RNLS: variants seen among roughly 807,000 people sequenced by gnomAD.
The protein encoded by RNLS is renalase.
In RNLS, 39 loss-of-function variants were observed where a neutral mutation model predicts 39.8. The observed-to-expected ratio is 0.98, with a 90% confidence interval of 0.76 to 1.28. The LOEUF (loss-of-function observed/expected upper bound fraction) is 1.28. Among genes scored for constraint, RNLS ranks in the 50% most tolerant of loss-of-function variants. The probability of loss-of-function intolerance (pLI) is 0.00; values close to 1 mark genes in which losing one functional copy is unlikely to be tolerated. For synonymous variants in RNLS, 147 were observed against 150.7 expected (o/e 0.98, Z 0.18); for missense variants, 410 against 413.3 (o/e 0.99, Z 0.07).
rs1381202039 is a variant in RNLS, at chr10:88,286,431, G to T, written c.877-925C>A. Among the ~76,000 whole-genome samples, 3 of 152,106 alleles carry T rather than the reference G, an allele frequency of 2.0e-5. No individual in the cohort carries two copies. In the East Asian group the frequency reaches 5.8e-4, roughly 29 times the overall value. ...AATTTGGATGGATGATGGCTAATAA[G>T]CATTTGCAGTAAGGAGAATGAGTGG... On this transcript the variant is annotated intron_variant, in intron 6 of 6. Transcript: ENST00000331772.
At chr10:88,409,475 T>G (rs1853520030) in intron 4 of RNLS, among the ~76,000 whole-genome samples, 1 of 152,162 alleles carries the variant, frequency 6.6e-6, no homozygotes, top group Admixed American at 6.6e-5. Flanking sequence ...TCAGAAAGAT[T>G]CTGTGAGTCA....
chr10:88,179,741 A>C, the RNLS span, among the ~76,000 whole-genome samples: 1 of 152,228 alleles, frequency 6.6e-6, no homozygotes, highest in African/African-American at 2.4e-5. Context: ...ACAATGCTCT[A>C]AGGTGCCCCA....
chr10:88,179,870 A>G, the RNLS span, among the ~76,000 whole-genome samples: 1 of 152,222 alleles, frequency 6.6e-6, no homozygotes, highest in Non-Finnish European at 1.5e-5. Flanking sequence ...TATAATCCCC[A>G]GGGTGGAGGT....
chr10:88,220,364 C>CT, the RNLS span, among the ~76,000 whole-genome samples: 1 of 152,164 alleles, frequency 6.6e-6, no homozygotes, highest in African/African-American at 2.4e-5. Context: ...CAAGGGACTG[C>CT]TGGGGTCAGG....
intron 4 of RNLS, among the ~76,000 whole-genome samples, chr10:88,500,602 C>T (rs1293167024): frequency 6.6e-6 from 1 of 152,142 alleles, no homozygotes; most frequent in African/African-American, 2.4e-5. Flanking sequence ...GCAAGCAAAT[C>T]ATGCTATTTA....
intron 3 of RNLS, among the ~76,000 whole-genome samples, chr10:88,573,581 C>G (rs563801033): frequency 5.9e-5 from 9 of 152,246 alleles, no homozygotes; most frequent in Non-Finnish European, 1.2e-4. Context: ...AAAAGGTTCT[C>G]TGTAAGGGAA....
At chr10:88,252,783 A>G in the RNLS span, among the ~76,000 whole-genome samples, 1 of 152,224 alleles carries the variant, frequency 6.6e-6, no homozygotes, top group Non-Finnish European at 1.5e-5. Flanking sequence ...TACCGGGCAC[A>G]TAGTAGGTGC....
At chr10:88,267,931 G>T in the RNLS span, among the ~76,000 whole-genome samples, 1 of 152,162 alleles carries the variant, frequency 6.6e-6, no homozygotes, top group African/African-American at 2.4e-5. Context: ...AAATATCTTG[G>T]TAAGAAAATT....
At chr10:88,183,300 A>G in the RNLS span, among the ~76,000 whole-genome samples, 1 of 152,166 alleles carries the variant, frequency 6.6e-6, no homozygotes, top group African/African-American at 2.4e-5. Context: ...GTCAGCTAAT[A>G]TGTGAAATTG....
chr10:88,298,142 C>T lies in RNLS; in HGVS notation c.877-12636G>A, dbSNP rs150942101. Among the ~76,000 whole-genome samples, 1,476 of 152,106 alleles carry T rather than the reference C, an allele frequency of 9.7e-3. 86 individuals carry two copies. The highest frequency in any genetic ancestry group is 0.079 in the Admixed American group (1,207 of 15,284). On this transcript the variant is annotated intron_variant, in intron 6 of 6. Coordinates refer to ENST00000331772, the MANE Select transcript of RNLS (RefSeq NM_001031709.3). ...CTTCTTTGGGAAAATGTCTATTCAA[C>T]TCCTTTGCTCATTTTTTAATTGGGT...
At chr10:88,496,790 T>C (rs1845199947) in intron 4 of RNLS, among the ~76,000 whole-genome samples, 1 of 152,132 alleles carries the variant, frequency 6.6e-6, no homozygotes, top group Admixed American at 6.6e-5. Context: ...CATCTTCCTA[T>C]GATATGCAGC....
intron 4 of RNLS, among the ~76,000 whole-genome samples, chr10:88,400,533 C>T (rs1225888050): frequency 6.6e-6 from 1 of 151,994 alleles, no homozygotes; most frequent in Non-Finnish European, 1.5e-5. Flanking sequence ...ATCCTCTTTA[C>T]TGTGTGCTGC....
At chr10:88,293,641 T>C (rs1843848117) in intron 6 of RNLS, among the ~76,000 whole-genome samples, 9 of 152,074 alleles carry the variant, frequency 5.9e-5, no homozygotes, top group Admixed American at 5.9e-4. Context: ...AATTAAAAGA[T>C]AACAATATTA....
chr10:88,281,468 G>A (rs973550492), downstream of RNLS, among the ~76,000 whole-genome samples: 1 of 152,248 alleles, frequency 6.6e-6, no homozygotes, highest in African/African-American at 2.4e-5. Flanking sequence ...CCCACTCCAG[G>A]GGTCTTGTCT....
chr10:88,470,839 C>T (rs1423807106), intron 4 of RNLS, among the ~76,000 whole-genome samples: 1 of 152,112 alleles, frequency 6.6e-6, no homozygotes, highest in African/African-American at 2.4e-5. Context: ...TGGTCTCAAA[C>T]TCCTGACCTT....
At position 88,362,557 on chromosome 10, in the gene RNLS, T is replaced by C. The variant is rs117446494; in HGVS notation, c.695A>G (p.Asn232Ser). The change falls in exon 5 of 7, where the codon AAT becomes AGT. Residue 232 changes from asparagine (N) to serine (S), a missense_variant. Transcript: ENST00000331772. ...GAAATAATAGGGGTACTGACCTATA[T>C]TGCGCTTCTTATTATCAATGGAGAC... ...RFVSIDNKKR[N>S]IESSEIGPSL... 5,965 of 1,613,654 alleles carry C rather than the reference T, an allele frequency of 3.7e-3. 16 individuals are homozygous for C. The highest frequency in any genetic ancestry group is 7.8e-3 in the Middle Eastern group (47 of 6,054).
intron 4 of RNLS, among the ~76,000 whole-genome samples, chr10:88,388,004 G>A (rs1851974899): frequency 6.6e-6 from 1 of 152,152 alleles, no homozygotes; most frequent in African/African-American, 2.4e-5. Context: ...GGCTCAGAGG[G>A]CAGTCCTGAA....
chr10:88,176,010 TG>T, the RNLS span, among the ~76,000 whole-genome samples: 3 of 152,204 alleles, frequency 2.0e-5, no homozygotes, highest in Admixed American at 6.5e-5. Flanking sequence ...TTTATGTTTT[TG>T]ATATAATAGC....
chr10:88,554,328 CT>C lies in RNLS; in HGVS notation c.526+18574del, dbSNP rs375650710. On this transcript the variant is annotated intron_variant, in intron 4 of 6. Coordinates refer to ENST00000331772, the MANE Select transcript of RNLS (RefSeq NM_001031709.3). ...ATGCAGCGTAAATAGCATTAACTAA[CT>C]TTTTGATTCATTTATTCATTCACTC... Among the ~76,000 whole-genome samples the C allele has an allele frequency of 2.0e-4, 30 of 152,194 alleles. No homozygotes were observed. The East Asian group carries it at 5.6e-3, about 28-fold the overall frequency.
Sources: allele counts gnomAD v4.1 joint callset (sites outside exome capture counted in the v4.1 genomes callset), GRCh38; gene constraint gnomAD v4.1.1; transcripts MANE v1.5; gene names NCBI Gene and HGNC (gene_info 2026-07-23, HGNC 2026-07-21).